ARID1B: variants seen among roughly 807,000 people sequenced by gnomAD.
The protein encoded by ARID1B is AT-rich interaction domain 1B.
A neutral mutation model predicts 212.3 loss-of-function variants in ARID1B; 30 were observed. The ratio of observed to expected loss-of-function variants is 0.14; its 90% CI spans 0.11 to 0.19. ARID1B has a LOEUF of 0.19. Ranked by LOEUF, ARID1B falls within the 10% of genes least tolerant of loss-of-function variation. The pLI is 1.00. For missense variants in ARID1B, 2,891 were observed against 3,204.0 expected (o/e 0.90, Z 2.36); for synonymous variants, 1,402 against 1,301.7 (o/e 1.08, Z -1.66).
At chr6:156,862,829 C>G (rs1035898677) in intron 2 of ARID1B, among the ~76,000 whole-genome samples, 8 of 152,212 alleles carry the variant, frequency 5.3e-5, no homozygotes, top group Admixed American at 1.3e-4. Flanking sequence ...GTCTAGATCA[C>G]TCTTCCTGCT....
At chr6:156,866,915 G>A (rs907778979) in intron 2 of ARID1B, among the ~76,000 whole-genome samples, 1 of 152,190 alleles carries the variant, frequency 6.6e-6, no homozygotes, top group African/African-American at 2.4e-5. Flanking sequence ...AAGTTACTTC[G>A]TTTAAGTGTG....
At chr6:156,834,336 C>G (rs1783352465) in intron 2 of ARID1B, among the ~76,000 whole-genome samples, 2 of 152,062 alleles carry the variant, frequency 1.3e-5, no homozygotes, top group Non-Finnish European at 2.9e-5. Flanking sequence ...GGATAGATAA[C>G]TTGACTAAGT....
chr6:157,172,094 A>G (rs977114437), intron 9 of ARID1B, among the ~76,000 whole-genome samples: 1 of 152,188 alleles, frequency 6.6e-6, no homozygotes, highest in African/African-American at 2.4e-5. Flanking sequence ...TAGCCAGGAC[A>G]TGTGGACTCG....
chr6:157,113,433 T>C (rs572463002), intron 6 of ARID1B, among the ~76,000 whole-genome samples: 3 of 152,268 alleles, frequency 2.0e-5, no homozygotes, highest in African/African-American at 7.2e-5. Flanking sequence ...CTGCAGGCTG[T>C]GCAGCAGGCA....
chr6:157,006,165 A>T (rs190584876), intron 4 of ARID1B, among the ~76,000 whole-genome samples: 39 of 152,306 alleles, frequency 2.6e-4, no homozygotes, highest in Middle Eastern at 3.4e-3. Context: ...ACCTCAGGGA[A>T]CTAAGATCTA....
chr6:157,176,388 C>T (rs1054145562), intron 11 of ARID1B, among the ~76,000 whole-genome samples: 1 of 152,040 alleles, frequency 6.6e-6, no homozygotes, highest in Non-Finnish European at 1.5e-5. Context: ...CATAGTCTGC[C>T]CTGGTTTTTT....
intron 4 of ARID1B, among the ~76,000 whole-genome samples, chr6:156,960,472 T>G (rs1794297596): frequency 6.6e-6 from 1 of 152,192 alleles, no homozygotes; most frequent in Non-Finnish European, 1.5e-5. Flanking sequence ...TAAAAAATAA[T>G]GTGAATAAAC....
chr6:156,863,854 C>T (rs1785501253), intron 2 of ARID1B, among the ~76,000 whole-genome samples: 1 of 152,118 alleles, frequency 6.6e-6, no homozygotes, highest in Non-Finnish European at 1.5e-5. Flanking sequence ...GGTGCTGGGC[C>T]TCTTTGAGTC....
At chr6:156,784,278 A>G (rs1779483315) in intron 1 of ARID1B, among the ~76,000 whole-genome samples, 1 of 152,152 alleles carries the variant, frequency 6.6e-6, no homozygotes, top group Non-Finnish European at 1.5e-5. Context: ...GAGGAATCCC[A>G]AACCCTGTTC....
At chr6:157,066,761 G>A (rs1002304770) in intron 4 of ARID1B, among the ~76,000 whole-genome samples, 1 of 152,132 alleles carries the variant, frequency 6.6e-6, no homozygotes, top group Admixed American at 6.5e-5. Context: ...TGTTTTGCTA[G>A]GAGAGGAAGG....
intron 17 of ARID1B, among the ~76,000 whole-genome samples, chr6:157,199,602 A>ATT (rs1253288469): frequency 6.7e-6 from 1 of 149,440 alleles, no homozygotes; most frequent in African/African-American, 2.4e-5. Flanking sequence ...AATTATAATA[A>ATT]TTATATATAA....
intron 7 of ARID1B, among the ~76,000 whole-genome samples, chr6:157,145,136 C>T (rs1054208223): frequency 6.6e-6 from 1 of 152,196 alleles, no homozygotes; most frequent in Non-Finnish European, 1.5e-5. Context: ...AAGCCTTTCT[C>T]AGCCTTCCAG....
intron 2 of ARID1B, among the ~76,000 whole-genome samples, chr6:156,843,049 C>T (rs562243873): frequency 6.6e-6 from 1 of 152,184 alleles, no homozygotes; most frequent in Non-Finnish European, 1.5e-5. Context: ...ACCTGGAGTT[C>T]TAGAGTAGGG....
At chr6:156,839,017 C>T (rs1783712696) in intron 2 of ARID1B, among the ~76,000 whole-genome samples, 1 of 152,070 alleles carries the variant, frequency 6.6e-6, no homozygotes, top group Non-Finnish European at 1.5e-5. Context: ...CCTCAGTGTC[C>T]TGGGCTTCAT....
intron 4 of ARID1B, among the ~76,000 whole-genome samples, chr6:157,034,879 C>T (rs1442998473): frequency 1.3e-5 from 2 of 152,178 alleles, no homozygotes; most frequent in Non-Finnish European, 2.9e-5. Context: ...TTGAACAAAA[C>T]ATAAATACTT....
chr6:157,003,932 C>A (rs1396452824), intron 4 of ARID1B, among the ~76,000 whole-genome samples: 2 of 151,780 alleles, frequency 1.3e-5, no homozygotes, highest in Non-Finnish European at 2.9e-5. Flanking sequence ...CCCAGGAGTT[C>A]AAGACCAGCC....
chr6:156,777,938 T>TAACGCGGGC lies in ARID1B; in HGVS notation c.259_267dup (p.Asn87_Gly89dup). 6.6e-7 allele frequency: 1 copy of TAACGCGGGC among 1,524,488 alleles called. No individual in the cohort carries two copies. 94.4% of individuals were successfully genotyped at this position (1,524,488 alleles called of 1,614,324 possible). On this transcript the variant is annotated inframe_insertion, in exon 1 of 20. Coordinates refer to ENST00000636930, the MANE Select transcript of ARID1B (RefSeq NM_001374828.1). Reference sequence around the variant, plus strand: ...CCCGTCACGAACTCAACATGGCCCATAACGCGGGCGCCGCGGCCGCCGCCG... The same window carrying TAACGCGGGC: ...CCCGTCACGAACTCAACATGGCCCATAACGCGGGCAACGCGGGCGCCGCGGCCGCCGCCG...
chr6:157,201,054 C>T lies in ARID1B; in HGVS notation c.4829C>T (p.Ala1610Val), dbSNP rs370838091. 1.7e-5 allele frequency: 27 copies of T among 1,613,700 alleles called. No homozygotes were observed. The highest frequency in any genetic ancestry group is 5.5e-5 in the South Asian group (5 of 91,064). ...CAGGGCCCTGGCGGCCCTACACAGGCGCCCCCTTACCCAGGCATGAACCGC... is the reference window on the plus strand; with the variant it reads ...CAGGGCCCTGGCGGCCCTACACAGGTGCCCCCTTACCCAGGCATGAACCGC... ...NRQGPGGPTQ[A>V]PPYPGMNRTD... The change falls in exon 18 of 20, where the codon GCG becomes GTG. Residue 1610 changes from alanine to valine, a missense_variant. Around this residue, in one of 7 missense-constraint regions of ARID1B, gnomAD observed 666 missense variants for 873.5 expected, o/e 0.76. Transcript: ENST00000636930. The surrounding 1 kb of genome is among the most constrained non-coding windows in gnomAD (Gnocchi z 5.2).
intron 2 of ARID1B, 130 bp downstream of exon 2, chr6:156,829,551 T>C: frequency 1.8e-6 from 2 of 1,090,954 alleles, no homozygotes; most frequent in Non-Finnish European, 2.5e-6. Flanking sequence ...ATTTTTATTG[T>C]TTCTTTAATC....
Sources: allele counts gnomAD v4.1 joint callset (sites outside exome capture counted in the v4.1 genomes callset), GRCh38; gene constraint gnomAD v4.1.1; regional missense constraint gnomAD v4.1.1; non-coding constraint Gnocchi (gnomAD v3.1); transcripts MANE v1.5; gene names NCBI Gene and HGNC (gene_info 2026-07-23, HGNC 2026-07-21).